The following WAC variants were observed in gnomAD, a reference collection of about 807,000 sequenced individuals.
WAC encodes WW domain-containing adapter protein with coiled-coil.
In WAC, 11 loss-of-function variants were observed where a neutral mutation model predicts 79.6. The observed-to-expected ratio is 0.14, with a 90% CI of 0.09 to 0.23. WAC has a LOEUF of 0.23. Among genes scored for constraint, WAC ranks in the 10% least tolerant of loss-of-function variants. The pLI, the probability that WAC is intolerant of heterozygous loss-of-function variation, is 1.00. For missense variants in WAC, 728 were observed against 773.5 expected (o/e 0.94, Z 0.70); for synonymous variants, 304 against 276.9 (o/e 1.10, Z -0.97).
At chr10:28,614,537 A>G in intron 10 of WAC, 30 bp from the exon 11 acceptor site, 2 of 1,550,542 alleles carry the variant, frequency 1.3e-6, no homozygotes, top group Non-Finnish European at 1.8e-6. Context: ...TTAGATTTGG[A>G]GACCATCTCA....
intron 10 of WAC, among the ~76,000 whole-genome samples, chr10:28,613,191 A>C (rs1360059468): frequency 2.6e-5 from 4 of 152,146 alleles, no homozygotes; most frequent in African/African-American, 9.7e-5. Context: ...AACAGGCAAA[A>C]CCCGGTCTCT....
chr10:28,588,327 G>C (rs1839924119), intron 4 of WAC, among the ~76,000 whole-genome samples: 1 of 152,148 alleles, frequency 6.6e-6, no homozygotes, highest in South Asian at 2.1e-4. Context: ...TTTGAGGTGT[G>C]AGGGCGCAGG....
In WAC at chr10:28,535,212, ATAG is replaced by A. The variant is rs1836572490; in HGVS notation, c.79-344_79-342del. 4.4e-5 allele frequency: 7 copies of A among 160,244 alleles called. No individual in the cohort carries two copies. The South Asian group carries it at 1.3e-3, about 31-fold the overall frequency. 9.9% of individuals were successfully genotyped at this position (160,244 alleles called of 1,614,324 possible). On this transcript the variant is annotated intron_variant, in intron 2 of 13. Transcript: ENST00000354911. Reference sequence around the variant, plus strand: ...ATCAGCTGTAGAGCAGAAATTGATTATAGTAGTACTGAATTTCTAGTTTTCTTT... The same window carrying A: ...ATCAGCTGTAGAGCAGAAATTGATTATAGTACTGAATTTCTAGTTTTCTTT...
At chr10:28,568,484 A>T (rs1031276132) in intron 3 of WAC, among the ~76,000 whole-genome samples, 1 of 151,704 alleles carries the variant, frequency 6.6e-6, no homozygotes, top group Non-Finnish European at 1.5e-5. Context: ...GGGTTCAAGC[A>T]ATTTTCCTGT....
In WAC at chr10:28,583,501, A is replaced by G; in HGVS notation, c.377A>G (p.Asp126Gly). The G allele has an allele frequency of 6.4e-7, 1 of 1,567,074 alleles. No individual in the cohort carries two copies. The highest frequency in any genetic ancestry group is 1.4e-5 in the African/African-American group (1 of 71,778). The change falls in exon 4 of 14, where the codon GAT (aspartate) becomes GGT (glycine). Residue 126 changes from aspartate to glycine, a missense_variant. This residue lies in a region of WAC where 648 missense variants were observed against 661.5 expected (regional missense o/e 0.98). Transcript: ENST00000354911. ...NPSNNPSKTS[D>G]APYDSADDWS... ...AGCAATAACCCAAGCAAAACTTCAG[A>G]TGCAGTAAGTATTATAAACATGTCC...
chr10:28,571,869 G>A (rs1179684584), intron 3 of WAC, among the ~76,000 whole-genome samples: 3 of 152,102 alleles, frequency 2.0e-5, no homozygotes, highest in Non-Finnish European at 4.4e-5. Context: ...CAGTTTTTTA[G>A]CTATATTACT....
chr10:28,544,017 G>T (rs1170391024), intron 3 of WAC, among the ~76,000 whole-genome samples: 2 of 152,124 alleles, frequency 1.3e-5, no homozygotes, highest in Non-Finnish European at 2.9e-5. Flanking sequence ...CAAATAGCTG[G>T]GATTACAGGT....
chr10:28,563,044 A>G (rs961209987), intron 3 of WAC, among the ~76,000 whole-genome samples: 1 of 152,138 alleles, frequency 6.6e-6, no homozygotes, highest in Non-Finnish European at 1.5e-5. Context: ...AAAGAACTAT[A>G]TTACTCTTTC....
chr10:28,580,720 A>G (rs1315618433), intron 3 of WAC, among the ~76,000 whole-genome samples: 1 of 152,176 alleles, frequency 6.6e-6, no homozygotes. Flanking sequence ...TCAGTTGTAA[A>G]TCTGATTTTT....
chr10:28,544,102 T>G (rs1241606859), intron 3 of WAC, among the ~76,000 whole-genome samples: 2 of 152,212 alleles, frequency 1.3e-5, no homozygotes, highest in African/African-American at 4.8e-5. Context: ...AGGCTGGTCT[T>G]GAACTCTTGG....
At chr10:28,561,468 A>G (rs1332313330) in intron 3 of WAC, among the ~76,000 whole-genome samples, 1 of 151,854 alleles carries the variant, frequency 6.6e-6, no homozygotes, top group Non-Finnish European at 1.5e-5. Flanking sequence ...ACAAGAATTT[A>G]ATCCAAAATG....
chr10:28,582,219 T>C (rs1839575236), intron 3 of WAC, among the ~76,000 whole-genome samples: 1 of 152,230 alleles, frequency 6.6e-6, no homozygotes. Context: ...TTTTAGTGCC[T>C]GCTGCTTACA....
chr10:28,538,714 A>AC, intron 3 of WAC, among the ~76,000 whole-genome samples: 1 of 150,656 alleles, frequency 6.6e-6, no homozygotes, highest in East Asian at 2.0e-4. Flanking sequence ...ACATAGCAAG[A>AC]CCCTGTGTCT....
intron 3 of WAC, among the ~76,000 whole-genome samples, chr10:28,552,330 G>A (rs1837724849): frequency 6.6e-6 from 1 of 152,116 alleles, no homozygotes; most frequent in African/African-American, 2.4e-5. Flanking sequence ...TCAGAATCAG[G>A]TGGTTAAAAT....
rs772980873 is a variant in WAC, at chr10:28,616,199, C to T, written c.1583C>T (p.Pro528Leu). The change falls in exon 12 of 14, where the codon CCC becomes CTC. Residue 528 changes from proline to leucine, a missense_variant. By Grantham distance (98) the Pro-to-Leu change is moderately conservative. Transcript: ENST00000354911. ...AGCCAGAGAAGTCCATCACCTGGTC[C>T]CAATCATACTTCTAATAGTAGTAAT... ...SSSQRSPSPG[P>L]NHTSNSSNAS... The T allele has an allele frequency of 1.2e-6, 2 of 1,606,762 alleles. No individual in the cohort carries two copies. Among genetic ancestry groups the T allele is most frequent in the Non-Finnish European group, 1.7e-6 (2 of 1,175,380 alleles).
chr10:28,563,800 A>T (rs1490423401), intron 3 of WAC, among the ~76,000 whole-genome samples: 1 of 131,232 alleles, frequency 7.6e-6, no homozygotes, highest in Non-Finnish European at 1.6e-5. Flanking sequence ...CGGGGTTTCA[A>T]CATGTTGGCC....
intron 3 of WAC, among the ~76,000 whole-genome samples, chr10:28,555,417 T>C (rs1837927481): frequency 7.6e-6 from 1 of 132,396 alleles, no homozygotes; most frequent in South Asian, 2.7e-4. Flanking sequence ...GTGATACTTG[T>C]TTAAAGCACA....
At chr10:28,570,978 T>G (rs1011634027) in intron 3 of WAC, among the ~76,000 whole-genome samples, 1 of 110,066 alleles carries the variant, frequency 9.1e-6, no homozygotes, top group African/African-American at 3.6e-5. Flanking sequence ...TTTTTTTGAG[T>G]TGGAGTCTCA....
chr10:28,610,912 A>ATT (rs11371837), intron 9 of WAC, 91 bp downstream of exon 9: 17,674 of 1,097,292 alleles, frequency 0.016, no homozygotes, highest in East Asian at 0.026. Flanking sequence ...TTTTTCTTTC[A>ATT]TTTTTTTTTT....
Sources: allele counts gnomAD v4.1 joint callset (sites outside exome capture counted in the v4.1 genomes callset), GRCh38; gene constraint gnomAD v4.1.1; regional missense constraint gnomAD v4.1.1; transcripts MANE v1.5; gene names NCBI Gene and HGNC (gene_info 2026-07-23, HGNC 2026-07-21).